The following GRIK3 variants were observed in gnomAD, a reference collection of about 807,000 sequenced individuals.
The protein encoded by GRIK3 is glutamate receptor ionotropic, kainate 3.
Under a neutral mutation model 102.5 loss-of-function variants are expected in GRIK3, and 29 were observed. The observed-to-expected ratio is 0.28, with a 90% CI of 0.21 to 0.39. The LOEUF is 0.39. GRIK3 is among the 10% of genes least tolerant of loss of function. The pLI, the probability that GRIK3 is intolerant of heterozygous loss-of-function variation, is 1.00. For missense variants in GRIK3, 908 were observed against 1,252.4 expected, an observed-to-expected ratio of 0.73 and a Z score of 4.15; for synonymous variants, 511 against 504.9, an observed-to-expected ratio of 1.01 and a Z score of -0.16.
chr1:36,994,567 T>C lies in GRIK3; in HGVS notation c.115+39427A>G, dbSNP rs1642398354. On this transcript the variant is annotated intron_variant, in intron 1 of 15. Coordinates refer to ENST00000373091, the MANE Select transcript of GRIK3 (RefSeq NM_000831.4). ...AGCAGTATCTTACACACAGTGATTC[T>C]CCATAAGTGTCAGCTGTTACCTTCA... Among the ~76,000 whole-genome samples the C allele has an allele frequency of 2.0e-5, 3 of 152,238 alleles. 1 individual carries two copies. In the South Asian group the frequency reaches 6.2e-4, roughly 32 times the overall value.
intron 4 of GRIK3, among the ~76,000 whole-genome samples, chr1:36,870,490 A>T (rs950929450): frequency 1.3e-5 from 2 of 152,234 alleles, no homozygotes; most frequent in African/African-American, 4.8e-5. Context: ...TGCTGGGCCC[A>T]CAGAGGGCTC....
At chr1:37,027,027 G>T (rs916881420) in intron 1 of GRIK3, among the ~76,000 whole-genome samples, 19 of 152,226 alleles carry the variant, frequency 1.2e-4, no homozygotes, top group African/African-American at 3.6e-4. Context: ...CTTGTCTAGT[G>T]GGGGAGGCAC....
rs748461261 is a variant in GRIK3 at position 36,796,313 on chromosome 1, C to T, written c.*5538G>A. 3 of 152,326 alleles carry T rather than the reference C, an allele frequency of 2.0e-5. No individual in the cohort carries two copies. The highest frequency in any genetic ancestry group is 2.9e-5 in the Non-Finnish European group (2 of 68,214). The allele number at this position is 152,326 out of a possible 1,614,324, so 9.4% of individuals were successfully genotyped here. ...TCTGCCAACTGCCCTGCCAGGATGC[C>T]GCAGGGGAGAGAAAGGCAGACAGAT... On this transcript the variant is annotated 3_prime_UTR_variant, in exon 16 of 16. Coordinates refer to ENST00000373091, the MANE Select transcript of GRIK3 (RefSeq NM_000831.4).
intron 9 of GRIK3, among the ~76,000 whole-genome samples, chr1:36,844,417 T>G (rs1292118964): frequency 6.6e-6 from 1 of 152,214 alleles, no homozygotes; most frequent in Non-Finnish European, 1.5e-5. Flanking sequence ...TGCACTGCCT[T>G]CATGCAAATT....
At chr1:36,808,800 A>T (rs575150565) in intron 13 of GRIK3, among the ~76,000 whole-genome samples, 15 of 152,190 alleles carry the variant, frequency 9.9e-5, no homozygotes, top group Non-Finnish European at 2.1e-4. Context: ...GCAGCAATAG[A>T]TAACTTATAC....
chr1:36,822,100 C>G (rs1178786594), intron 11 of GRIK3, among the ~76,000 whole-genome samples: 3 of 152,324 alleles, frequency 2.0e-5, no homozygotes, highest in African/African-American at 7.2e-5. Flanking sequence ...GCTGTCCTCT[C>G]TTTCCAGCTG....
intron 1 of GRIK3, among the ~76,000 whole-genome samples, chr1:37,007,437 T>A (rs973533380): frequency 1.2e-4 from 18 of 152,068 alleles, no homozygotes; most frequent in Admixed American, 1.3e-4. Context: ...GGGAGTGTCT[T>A]AGAAAACCTG....
rs1369682861 is a variant in GRIK3, at chr1:36,817,078, G to A, written c.2073C>T (p.Ala691=). ...KIEYGAVKDG[A]TMTFFKKSKI... ...GCCTCACCTTGAAGAAGGTCATGGTGGCCCCATCCTTGACAGCCCCATACT... is the reference window on the plus strand; with the variant it reads ...GCCTCACCTTGAAGAAGGTCATGGTAGCCCCATCCTTGACAGCCCCATACT... The change falls in exon 13 of 16, where the codon GCC becomes GCT. Residue 691 remains alanine (A), a synonymous_variant. Coordinates refer to ENST00000373091, the MANE Select transcript of GRIK3 (RefSeq NM_000831.4). 1 of 1,613,202 alleles carries A rather than the reference G, an allele frequency of 6.2e-7. No individual in the cohort carries two copies.
At chr1:36,838,009 C>T (rs1016476989) in intron 10 of GRIK3, among the ~76,000 whole-genome samples, 12 of 152,284 alleles carry the variant, frequency 7.9e-5, no homozygotes, top group Middle Eastern at 3.4e-3. Context: ...AGGATGACCA[C>T]GGCTGAGGGG....
chr1:36,845,850 A>C (rs992366193), intron 9 of GRIK3, among the ~76,000 whole-genome samples: 4 of 152,174 alleles, frequency 2.6e-5, no homozygotes, highest in Non-Finnish European at 4.4e-5. Flanking sequence ...CTCTAGCCCC[A>C]GGTTTTTCCC....
chr1:37,024,212 G>A (rs2124081744), intron 1 of GRIK3, among the ~76,000 whole-genome samples: 1 of 152,302 alleles, frequency 6.6e-6, no homozygotes, highest in African/African-American at 2.4e-5. Flanking sequence ...ATCTTTTGAT[G>A]CCATGCTGGA....
intron 8 of GRIK3, among the ~76,000 whole-genome samples, chr1:36,852,507 T>C (rs1570760484): frequency 6.6e-6 from 1 of 152,178 alleles, no homozygotes; most frequent in South Asian, 2.1e-4. Context: ...AGCTGAAGTT[T>C]AATGACTTGG....
rs199904222 is a variant in GRIK3 at position 36,817,270 on chromosome 1, C to T, written c.1881G>A (p.Glu627=). ...GTGTGGACAGGGCTTTGGGCATCAG[C>T]TCAGACCCTGGGCGAAGAGAGGAGA... ...GMGSLMQQGS[E]LMPKALSTRI... is the part of the protein sequence containing the mutation. The change falls in exon 13 of 16, where the codon GAG becomes GAA. Residue 627 remains glutamate (E), a synonymous_variant. Transcript: ENST00000373091. 1.3e-4 allele frequency: 212 copies of T among 1,609,386 alleles called. No individual in the cohort carries two copies. Among genetic ancestry groups the T allele is most frequent in the Non-Finnish European group, 1.5e-4 (180 of 1,175,810 alleles).
chr1:36,881,033 C>T, intron 2 of GRIK3, 142 bp from the exon 3 acceptor site: 1 of 822,372 alleles, frequency 1.2e-6, no homozygotes, highest in Non-Finnish European at 1.9e-6. Context: ...CTCTCTGAAC[C>T]TCAGTTTCCT....
At chr1:37,005,709 C>A (rs888217642) in intron 1 of GRIK3, among the ~76,000 whole-genome samples, 1 of 152,178 alleles carries the variant, frequency 6.6e-6, no homozygotes, top group Non-Finnish European at 1.5e-5. Flanking sequence ...ACTTGTCAGT[C>A]ATTCATTTGT....
chr1:37,032,954 G>A (rs190796680), intron 1 of GRIK3, among the ~76,000 whole-genome samples: 547 of 152,316 alleles, frequency 3.6e-3, no homozygotes, highest in African/African-American at 0.012. Context: ...GCCCTGGCTC[G>A]GCGGAGTCCG....
At chr1:36,931,000 T>A (rs184500606) in intron 1 of GRIK3, among the ~76,000 whole-genome samples, 147 of 152,338 alleles carry the variant, frequency 9.6e-4, no homozygotes, top group Non-Finnish European at 1.6e-3. Flanking sequence ...GTGCACAGCA[T>A]AGTCTCAGGG....
intron 1 of GRIK3, among the ~76,000 whole-genome samples, chr1:36,926,244 T>C (rs1641525968): frequency 6.6e-6 from 1 of 152,164 alleles, no homozygotes; most frequent in African/African-American, 2.4e-5. Context: ...GAGCAGTGGT[T>C]AGCACCACAA....
chr1:36,912,497 C>T (rs547018373), intron 1 of GRIK3, among the ~76,000 whole-genome samples: 22 of 152,122 alleles, frequency 1.4e-4, no homozygotes, highest in Admixed American at 4.6e-4. Context: ...CCCTGCTTAC[C>T]GGTCTCTCTT....
Sources: allele counts gnomAD v4.1 joint callset (sites outside exome capture counted in the v4.1 genomes callset), GRCh38; gene constraint gnomAD v4.1.1; transcripts MANE v1.5; gene names NCBI Gene and HGNC (gene_info 2026-07-23, HGNC 2026-07-21).